The following GRID2 variants were observed in gnomAD, a reference collection of about 807,000 sequenced individuals.
The protein encoded by GRID2 is glutamate receptor ionotropic, delta-2.
Under a neutral mutation model 114.8 loss-of-function variants are expected in GRID2, and 33 were observed. The observed-to-expected ratio is 0.29, with a 90% CI of 0.22 to 0.38. The LOEUF (loss-of-function observed/expected upper bound fraction) is 0.38. Among genes scored for constraint, GRID2 ranks in the 10% least tolerant of loss-of-function variants. GRID2 has a pLI of 1.00. For synonymous variants in GRID2, 505 were observed against 449.9 expected (o/e 1.12, Z -1.55); for missense variants, 1,184 against 1,257.7 (o/e 0.94, Z 0.89).
intron 1 of GRID2, among the ~76,000 whole-genome samples, chr4:93,793,663 G>A (rs552445287): frequency 6.6e-6 from 1 of 152,186 alleles, no homozygotes; most frequent in South Asian, 2.1e-4. Context: ...AATGATTTGA[G>A]AAAACACCTT....
chr4:92,419,890 CTATTT>C lies in GRID2; in HGVS notation c.88+115152_88+115156del, dbSNP rs751047295. On this transcript the variant is annotated intron_variant, in intron 1 of 15. Transcript: ENST00000282020. ...ATACTCTGAAAATTGGAAAATATAC[CTATTT>C]TATTTACTTAAATATTTCAAATTTT... is the stretch of plus-strand genomic sequence containing the variant. Among the ~76,000 whole-genome samples the C allele has an allele frequency of 3.3e-5, 5 of 151,948 alleles. No homozygotes were observed. The East Asian group carries it at 5.8e-4, about 18-fold the overall frequency.
intron 2 of GRID2, among the ~76,000 whole-genome samples, chr4:92,807,978 A>G (rs569153993): frequency 3.1e-4 from 47 of 152,132 alleles, no homozygotes; most frequent in African/African-American, 1.1e-3. Context: ...GACTTTACGG[A>G]TATAATTAAA....
chr4:92,847,900 G>T (rs1455097274), intron 2 of GRID2, among the ~76,000 whole-genome samples: 1 of 151,872 alleles, frequency 6.6e-6, no homozygotes, highest in Middle Eastern at 3.2e-3. Context: ...GACAGTATTA[G>T]CTTCCTGTGC....
intron 8 of GRID2, among the ~76,000 whole-genome samples, chr4:93,239,833 G>GT (rs1236174105): frequency 6.6e-6 from 1 of 151,496 alleles, no homozygotes; most frequent in Non-Finnish European, 1.5e-5. Flanking sequence ...TTTAAAATAT[G>GT]TTTTTATCAC....
At chr4:93,757,008 C>T (rs148710804) in intron 14 of GRID2, among the ~76,000 whole-genome samples, 2 of 152,260 alleles carry the variant, frequency 1.3e-5, no homozygotes, top group African/African-American at 4.8e-5. Flanking sequence ...TGGTTCAATA[C>T]TAAATGGGCA....
intron 8 of GRID2, among the ~76,000 whole-genome samples, chr4:93,375,946 T>A (rs1763337690): frequency 6.6e-6 from 1 of 152,108 alleles, no homozygotes; most frequent in Non-Finnish European, 1.5e-5. Context: ...GCCAGTGGAT[T>A]GGGTTTTCCC....
intron 8 of GRID2, among the ~76,000 whole-genome samples, chr4:93,329,441 T>C (rs912474205): frequency 1.3e-5 from 2 of 152,178 alleles, no homozygotes; most frequent in Admixed American, 6.5e-5. Context: ...ATGTCTAAGA[T>C]TCTTCTTTAG....
intron 4 of GRID2, among the ~76,000 whole-genome samples, chr4:93,127,155 G>A (rs149117913): frequency 6.6e-6 from 1 of 152,078 alleles, no homozygotes; most frequent in Non-Finnish European, 1.5e-5. Context: ...TAGGTAGATC[G>A]TTTGCATTTT....
At chr4:93,169,439 C>T (rs1274319364) in intron 4 of GRID2, among the ~76,000 whole-genome samples, 1 of 152,088 alleles carries the variant, frequency 6.6e-6, no homozygotes, top group Non-Finnish European at 1.5e-5. Context: ...GATTTACTAA[C>T]TTTGTTGTTT....
intron 8 of GRID2, among the ~76,000 whole-genome samples, chr4:93,343,563 C>T (rs150806856): frequency 2.0e-5 from 3 of 152,138 alleles, no homozygotes; most frequent in Non-Finnish European, 2.9e-5. Flanking sequence ...AAAATGGTCT[C>T]TAAAAGTTAA....
intron 8 of GRID2, among the ~76,000 whole-genome samples, chr4:93,376,976 CTAAAAA>C (rs1232094681): frequency 6.6e-6 from 1 of 152,036 alleles, no homozygotes; most frequent in Admixed American, 6.6e-5. Flanking sequence ...TGCACATGAA[CTAAAAA>C]TAAAAATAAA....
chr4:93,189,707 A>G (rs1003567033), intron 4 of GRID2, among the ~76,000 whole-genome samples: 8 of 151,416 alleles, frequency 5.3e-5, no homozygotes, highest in African/African-American at 1.9e-4. Context: ...TTGCAGAGGG[A>G]ATATGGAACT....
chr4:93,668,484 C>A (rs971218456), intron 14 of GRID2, among the ~76,000 whole-genome samples: 2 of 151,834 alleles, frequency 1.3e-5, no homozygotes, highest in Non-Finnish European at 2.9e-5. Context: ...TTTATTTCAG[C>A]AAATATGCAT....
intron 2 of GRID2, among the ~76,000 whole-genome samples, chr4:92,936,194 C>G (rs1393400353): frequency 1.4e-5 from 2 of 146,478 alleles, no homozygotes; most frequent in African/African-American, 2.4e-5. Context: ...GTGATCTTCA[C>G]AAACGAATCA....
chr4:92,364,554 C>G (rs1422279761), intron 1 of GRID2, among the ~76,000 whole-genome samples: 1 of 151,512 alleles, frequency 6.6e-6, no homozygotes, highest in East Asian at 2.0e-4. Flanking sequence ...TAGCTAAAAT[C>G]AAAAGATTTT....
At chr4:93,725,274 G>A (rs541487027) in intron 14 of GRID2, among the ~76,000 whole-genome samples, 2 of 152,226 alleles carry the variant, frequency 1.3e-5, no homozygotes, top group African/African-American at 4.8e-5. Flanking sequence ...GAGAATGATG[G>A]TTTCCAGTTT....
rs1732497850 is a variant in GRID2 at position 92,432,255 on chromosome 4, G to GGTC, written c.88+127511_88+127512insGTC. ...TGGCGACCACTGCCTGGCTACTACT[G>GGTC]ATGGTCATTTAAGGCCCAAGGGTTC... On this transcript the variant is annotated intron_variant, in intron 1 of 15. Transcript: ENST00000282020. 2.0e-5 allele frequency among the ~76,000 whole-genome samples: 3 copies of GGTC among 152,238 alleles called. No individual in the cohort carries two copies. In the East Asian group the frequency reaches 5.8e-4, roughly 30 times the overall value.
At chr4:93,185,190 C>T (rs1156786712) in intron 4 of GRID2, among the ~76,000 whole-genome samples, 1 of 152,058 alleles carries the variant, frequency 6.6e-6, no homozygotes, top group Non-Finnish European at 1.5e-5. Flanking sequence ...TCCCCAGGTA[C>T]AGGTAGGAGA....
intron 2 of GRID2, among the ~76,000 whole-genome samples, chr4:92,864,837 C>A (rs1193443152): frequency 6.6e-6 from 1 of 152,152 alleles, no homozygotes; most frequent in Non-Finnish European, 1.5e-5. Flanking sequence ...TATCACGGAA[C>A]ATAAATTCAG....
Sources: allele counts gnomAD v4.1 joint callset (sites outside exome capture counted in the v4.1 genomes callset), GRCh38; gene constraint gnomAD v4.1.1; transcripts MANE v1.5; gene names NCBI Gene and HGNC (gene_info 2026-07-23, HGNC 2026-07-21).